The following CASQ2 variants were observed in gnomAD, a reference collection of about 807,000 sequenced individuals.
The protein encoded by CASQ2 is calsequestrin 2, also known as calsequestrin-2.
CASQ2 carries 49 observed loss-of-function variants against 46.5 expected under a neutral mutation model. The ratio of observed to expected loss-of-function variants is 1.05; its 90% CI spans 0.84 to 1.34. CASQ2 has a LOEUF of 1.34. Among genes scored for constraint, CASQ2 ranks in the 40% most tolerant of loss-of-function variants. The pLI is 0.00. For synonymous variants in CASQ2, 174 were observed against 168.5 expected (o/e 1.03, Z -0.25); for missense variants, 486 against 481.3 (o/e 1.01, Z -0.09).
intron 8 of CASQ2, among the ~76,000 whole-genome samples, chr1:115,715,326 T>G (rs567319631): frequency 4.6e-5 from 7 of 152,104 alleles, no homozygotes; most frequent in Admixed American, 1.3e-4. Context: ...GACAAGAGAG[T>G]GCTCAGATAA....
chr1:115,722,866 G>A (rs1647424678), intron 7 of CASQ2, among the ~76,000 whole-genome samples: 1 of 152,042 alleles, frequency 6.6e-6, no homozygotes, highest in South Asian at 2.1e-4. Context: ...TGGCCAACAT[G>A]GTGAAACCCT....
intron 5 of CASQ2, 106 bp downstream of exon 5, chr1:115,732,795 G>A: frequency 1.2e-6 from 1 of 806,300 alleles, no homozygotes. Context: ...AAGAGGCAAG[G>A]GAGGATGGTT....
At chr1:115,709,643 T>C (rs1654480168) in intron 8 of CASQ2, among the ~76,000 whole-genome samples, 1 of 152,154 alleles carries the variant, frequency 6.6e-6, no homozygotes, top group Non-Finnish European at 1.5e-5. Flanking sequence ...AAACTCCAGG[T>C]AGATGAATAG....
chr1:115,727,812 G>A (rs551591709), intron 5 of CASQ2, among the ~76,000 whole-genome samples: 12 of 152,200 alleles, frequency 7.9e-5, no homozygotes, highest in Non-Finnish European at 1.5e-4. Context: ...AGTAAGCCAG[G>A]ATGATTTGCT....
Position 115,700,924 on chromosome 1 carries a change from G to A in CASQ2, c.*317C>T. On this transcript the variant is annotated 3_prime_UTR_variant, in exon 11 of 11. Coordinates refer to ENST00000261448, the MANE Select transcript of CASQ2 (RefSeq NM_001232.4). ...ACAAGTAAACTTGTGTTAGGGGATT[G>A]TTCACCCTAGACTGCCATGTTCAGG... The A allele has an allele frequency of 1.7e-6, 1 of 599,016 alleles. No homozygotes were observed. The allele number at this position is 599,016 out of a possible 1,614,324, so 37.1% of individuals were successfully genotyped here. A position where few individuals can be genotyped will look rare whatever the true frequency, so the allele number is the denominator to read the frequency against.
At chr1:115,711,021 G>C (rs983525486) in intron 8 of CASQ2, among the ~76,000 whole-genome samples, 1 of 152,202 alleles carries the variant, frequency 6.6e-6, no homozygotes, top group Admixed American at 6.5e-5. Flanking sequence ...GCCACATTCG[G>C]CAGAGGCTCA....
chr1:115,746,377 T>C (rs576111725), intron 1 of CASQ2, among the ~76,000 whole-genome samples: 2 of 152,368 alleles, frequency 1.3e-5, no homozygotes, highest in East Asian at 3.9e-4. Flanking sequence ...GTATGGCAGT[T>C]ACATGTTTAG....
At chr1:115,767,814 A>G (rs1175195909) in intron 1 of CASQ2, among the ~76,000 whole-genome samples, 1 of 152,184 alleles carries the variant, frequency 6.6e-6, no homozygotes, top group Non-Finnish European at 1.5e-5. Flanking sequence ...ACTGACGCAA[A>G]ACAAGAGAGA....
intron 1 of CASQ2, among the ~76,000 whole-genome samples, chr1:115,749,777 C>G (rs1161393111): frequency 1.3e-5 from 2 of 152,348 alleles, no homozygotes; most frequent in East Asian, 1.9e-4. Flanking sequence ...TTGCCTCCAC[C>G]TTTACTTTGG....
chr1:115,756,463 A>C (rs965601636), intron 1 of CASQ2, among the ~76,000 whole-genome samples: 1 of 152,242 alleles, frequency 6.6e-6, no homozygotes, highest in African/African-American at 2.4e-5. Context: ...ACAATTATGC[A>C]AAAATACTCT....
In CASQ2 at chr1:115,732,931, G is replaced by T. The variant is rs758748280; in HGVS notation, c.576C>A (p.Tyr192Ter). The stretch of plus-strand genomic sequence containing the variant: ...TGTCAAAGGTGGCAAAGAATTTGAT[G>T]TAAGGCTGGAAGTGTTCAGCTGCTT... Reference protein sequence around the residue: ...FEEAAEHFQPYIKFFATFDKG... With the variant: ...FEEAAEHFQP The change falls in exon 5 of 11, where the codon TAC becomes TAA. Residue 192 changes from tyrosine (Y) to a stop codon, truncating the protein, a stop_gained. Coordinates refer to ENST00000261448, the MANE Select transcript of CASQ2 (RefSeq NM_001232.4). LOFTEE classifies it high-confidence loss of function. The T allele has an allele frequency of 3.1e-6, 5 of 1,613,754 alleles. No individual in the cohort carries two copies. The highest frequency in any genetic ancestry group is 1.7e-5 in the Admixed American group (1 of 59,998).
intron 1 of CASQ2, among the ~76,000 whole-genome samples, chr1:115,748,031 T>C (rs1458293382): frequency 6.6e-6 from 1 of 152,204 alleles, no homozygotes; most frequent in African/African-American, 2.4e-5. Context: ...TTTGTTTCTT[T>C]CCCATTCTTA....
At chr1:115,711,382 T>C (rs1304385826) in intron 8 of CASQ2, among the ~76,000 whole-genome samples, 1 of 152,166 alleles carries the variant, frequency 6.6e-6, no homozygotes, top group African/African-American at 2.4e-5. Flanking sequence ...CTTGCACAGG[T>C]TGCTTAACCG....
intron 4 of CASQ2, among the ~76,000 whole-genome samples, chr1:115,734,938 AAT>A (rs2101088226): frequency 6.6e-6 from 1 of 152,350 alleles, no homozygotes; most frequent in Non-Finnish European, 1.5e-5. Context: ...AACATGTCAA[AAT>A]AGATTCTGAA....
In CASQ2 at chr1:115,718,751, C is replaced by T. The variant is rs1027568751; in HGVS notation, c.784-857G>A. ...GAGTATTTTAAGTCTATGGGGCAAA[C>T]AAGGCGCATTTCATGTCTCTACACC... is the stretch of plus-strand genomic sequence containing the variant. On this transcript the variant is annotated intron_variant, in intron 7 of 10. Transcript: ENST00000261448. Among the ~76,000 whole-genome samples, 8 of 152,242 alleles carry T rather than the reference C, an allele frequency of 5.3e-5. No individual in the cohort carries two copies. In the East Asian group the frequency reaches 1.5e-3, roughly 29 times the overall value.
intron 2 of CASQ2, among the ~76,000 whole-genome samples, chr1:115,744,338 G>C (rs4582790): frequency 0.089 from 13,607 of 152,088 alleles, 832 homozygotes; most frequent in South Asian, 0.23. Flanking sequence ...CTCATCCTTG[G>C]TGATAATGCC....
At chr1:115,742,636 TC>T (rs1156916382) in intron 2 of CASQ2, among the ~76,000 whole-genome samples, 2 of 152,162 alleles carry the variant, frequency 1.3e-5, no homozygotes, top group African/African-American at 4.8e-5. Context: ...AATTTTTAGA[TC>T]ACTGGGACAC....
intron 1 of CASQ2, among the ~76,000 whole-genome samples, chr1:115,745,419 T>C (rs965378037): frequency 7.9e-5 from 12 of 152,172 alleles, no homozygotes; most frequent in African/African-American, 2.9e-4. Context: ...TGAATAGACC[T>C]GAGATGTCTT....
intron 5 of CASQ2, among the ~76,000 whole-genome samples, chr1:115,731,051 A>G (rs747763761): frequency 6.6e-6 from 1 of 152,116 alleles, no homozygotes; most frequent in Non-Finnish European, 1.5e-5. Flanking sequence ...TTAAGCACCA[A>G]ATGGCATCAG....
Sources: gnomAD v4.1 joint callset for allele counts (sites outside exome capture counted in the v4.1 genomes callset) on GRCh38, gnomAD v4.1.1 for gene constraint, MANE v1.5 for transcripts, NCBI Gene and HGNC (gene_info 2026-07-23, HGNC 2026-07-21) for gene names.